SUCO: variants seen among roughly 807,000 people sequenced by gnomAD.
SUCO encodes the protein SUN domain containing ossification factor.
SUCO carries 57 observed loss-of-function variants against 148.1 expected under a neutral mutation model. The observed-to-expected ratio is 0.38, with a 90% CI of 0.31 to 0.48. The LOEUF (loss-of-function observed/expected upper bound fraction) is 0.48. SUCO is among the 20% of genes least tolerant of loss of function. The pLI is 0.96. For synonymous variants in SUCO, 470 were observed against 502.7 expected (o/e 0.93, Z 0.87); for missense variants, 1,331 against 1,468.2 (o/e 0.91, Z 1.53).
chr1:172,592,172 A>G (rs1257969025), intron 19 of SUCO, among the ~76,000 whole-genome samples: 1 of 152,190 alleles, frequency 6.6e-6, no homozygotes, highest in Non-Finnish European at 1.5e-5. Flanking sequence ...GATTCTGGAT[A>G]TTAGCCCTTT....
chr1:172,608,857 GAA>G, intron 23 of SUCO, 55 bp downstream of exon 23: 1 of 1,225,758 alleles, frequency 8.2e-7, no homozygotes, highest in Middle Eastern at 1.9e-4. Context: ...AATAAATGAA[GAA>G]AAGAGGTTGA....
chr1:172,596,878 C>T (rs1161118384), intron 19 of SUCO, among the ~76,000 whole-genome samples: 3 of 152,228 alleles, frequency 2.0e-5, no homozygotes, highest in South Asian at 2.1e-4. Context: ...TATGCCCTGC[C>T]CCCAGAGACG....
chr1:172,586,179 T>A (rs939664177), intron 17 of SUCO, among the ~76,000 whole-genome samples: 5 of 152,072 alleles, frequency 3.3e-5, no homozygotes, highest in Admixed American at 1.3e-4. Context: ...GGGGGTATTA[T>A]ATATTACTTT....
intron 21 of SUCO, 127 bp downstream of exon 21, chr1:172,602,345 A>C: frequency 7.1e-7 from 1 of 1,407,624 alleles, no homozygotes; most frequent in Non-Finnish European, 9.3e-7. Flanking sequence ...TTGAAACCAA[A>C]ACATTAAAAA....
At chr1:172,600,205 T>C (rs777739501) in intron 20 of SUCO, 37 bp downstream of exon 20, 16 of 1,378,966 alleles carry the variant, frequency 1.2e-5, no homozygotes, top group Non-Finnish European at 3.0e-6. Flanking sequence ...ACCCAATGCA[T>C]GTATAGAGGT....
chr1:172,589,059 G>T lies in SUCO; in HGVS notation c.1958G>T (p.Ser653Ile), dbSNP rs1283859209. ...LYRQRSRTAL[S>I]KGKDYLVLAQ... is the part of the protein sequence containing the mutation. ...CGGCAGCGCAGCCGAACTGCTTTGA[G>T]TAAAGGAAAAGATTATCTTGTGTTA... The change falls in exon 18 of 24, where the codon AGT (serine) becomes ATT (isoleucine). Residue 653 changes from serine to isoleucine, a missense_variant. Physicochemically the swap from Ser to Ile is moderately radical, Grantham distance 142. This residue lies in a region of SUCO where 992 missense variants were observed against 1,093.5 expected (regional missense o/e 0.91). Coordinates refer to ENST00000263688, the MANE Select transcript of SUCO (RefSeq NM_014283.5). The T allele has an allele frequency of 1.2e-6, 2 of 1,613,740 alleles. No individual in the cohort carries two copies. The highest frequency in any genetic ancestry group is 1.3e-5 in the African/African-American group (1 of 75,030).
Position 172,602,738 on chromosome 1 carries a change from T to G in SUCO, c.3216T>G (p.Thr1072=), listed in dbSNP as rs771428027. Residue 1072 remains threonine (T), a synonymous_variant, in exon 22 of 24, where the codon ACT becomes ACG. Coordinates refer to ENST00000263688, the MANE Select transcript of SUCO (RefSeq NM_014283.5). The part of the protein sequence containing the change: ...SYDDMNLKRR[T]SFPLMRSKSL... Reference sequence around the variant, plus strand: ...ATGATATGAATTTGAAAAGAAGAACTTCATTCCCACTCATGAGATCCAAGT... The same window carrying G: ...ATGATATGAATTTGAAAAGAAGAACGTCATTCCCACTCATGAGATCCAAGT... The G allele has an allele frequency of 6.2e-7, 1 of 1,613,214 alleles. No individual in the cohort carries two copies. The highest frequency in any genetic ancestry group is 8.5e-7 in the Non-Finnish European group (1 of 1,179,670).
At chr1:172,581,398 A>G (rs542682912) in intron 15 of SUCO, among the ~76,000 whole-genome samples, 1 of 152,232 alleles carries the variant, frequency 6.6e-6, no homozygotes, top group African/African-American at 2.4e-5. Flanking sequence ...AATGATCTCC[A>G]CCTCCTGAAG....
At chr1:172,532,445 C>T (rs763115225), upstream of SUCO, 6 of 1,561,084 alleles carry the variant, frequency 3.8e-6, no homozygotes, top group East Asian at 2.3e-5. Context: ...GAAGAAAAAG[C>T]GAAAGGTTTT....
chr1:172,571,350 T>C (rs568033151), intron 9 of SUCO, among the ~76,000 whole-genome samples: 1,712 of 152,280 alleles, frequency 0.011, 31 homozygotes, highest in African/African-American at 0.039. Flanking sequence ...CGGAGTCTGG[T>C]TCACTCAGTG....
chr1:172,573,819 C>A, intron 9 of SUCO, 72 bp from the exon 10 acceptor site: 1 of 831,166 alleles, frequency 1.2e-6, no homozygotes, highest in Non-Finnish European at 1.9e-6. Flanking sequence ...TTTATGGAAA[C>A]TGTTAATGTC....
chr1:172,606,257 A>G (rs1032065797), intron 22 of SUCO, among the ~76,000 whole-genome samples: 1 of 146,542 alleles, frequency 6.8e-6, no homozygotes, highest in South Asian at 2.2e-4. Context: ...TAAAAATTAG[A>G]TGGGCAGGGG....
chr1:172,585,221 C>A, intron 16 of SUCO, 135 bp downstream of exon 16: 1 of 816,628 alleles, frequency 1.2e-6, no homozygotes, highest in Non-Finnish European at 1.8e-6. Flanking sequence ...AGGAACTTAC[C>A]AATCTTTATT....
At chr1:172,602,827 G>GA in intron 22 of SUCO, 40 bp downstream of exon 22, 1 of 1,496,800 alleles carries the variant, frequency 6.7e-7, no homozygotes, top group Non-Finnish European at 9.2e-7. Flanking sequence ...ATATAAACAT[G>GA]AAACTAGCTT....
intron 20 of SUCO, among the ~76,000 whole-genome samples, chr1:172,601,528 C>A (rs1029721286): frequency 1.3e-5 from 2 of 151,332 alleles, no homozygotes; most frequent in South Asian, 2.1e-4. Context: ...ATTGCAGTAG[C>A]CTGAATGAGG....
At chr1:172,577,638 A>T (rs528880311) in intron 12 of SUCO, 79 bp downstream of exon 12, 165 of 1,582,934 alleles carry the variant, frequency 1.0e-4, no homozygotes, top group Non-Finnish European at 1.4e-4. Context: ...ACAAGTATTG[A>T]TTTTGGGGAA....
chr1:172,576,800 G>A, intron 11 of SUCO: 13 of 630,322 alleles, frequency 2.1e-5, no homozygotes, highest in Non-Finnish European at 2.6e-5. Context: ...TGAGTCTAAA[G>A]GCAAGAAACA....
intron 1 of SUCO, among the ~76,000 whole-genome samples, chr1:172,545,906 GTCCT>G (rs563332745): frequency 2.0e-5 from 3 of 151,346 alleles, no homozygotes; most frequent in Non-Finnish European, 2.9e-5. Context: ...CCGTCCGTCC[GTCCT>G]TCCTTCCTTC....
chr1:172,584,590 C>G (rs1656102979), intron 15 of SUCO, among the ~76,000 whole-genome samples: 1 of 151,912 alleles, frequency 6.6e-6, no homozygotes, highest in African/African-American at 2.4e-5. Flanking sequence ...CTGGGCAACA[C>G]AGTGAAACCC....
Sources: allele counts gnomAD v4.1 joint callset (sites outside exome capture counted in the v4.1 genomes callset), GRCh38; gene constraint gnomAD v4.1.1; regional missense constraint gnomAD v4.1.1; transcripts MANE v1.5; gene names NCBI Gene and HGNC (gene_info 2026-07-23, HGNC 2026-07-21).